Variants in PSMC3 observed in about 807,000 individuals in gnomAD.
PSMC3 encodes proteasome 26S subunit, ATPase 3.
PSMC3 carries 11 observed loss-of-function variants against 52.0 expected under a neutral mutation model. The observed-to-expected ratio is 0.21, with a 90% CI of 0.13 to 0.35. The LOEUF (loss-of-function observed/expected upper bound fraction) is 0.35, where lower values mean the gene tolerates loss of function less well. Ranked by LOEUF, PSMC3 falls within the 10% of genes least tolerant of loss-of-function variation. The pLI, the probability that PSMC3 is intolerant of heterozygous loss-of-function variation, is 1.00. For synonymous variants in PSMC3, 201 were observed against 218.8 expected, an observed-to-expected ratio of 0.92 and a Z score of 0.72; for missense variants, 238 against 567.1, an observed-to-expected ratio of 0.42 and a Z score of 5.89.
chr11:47,422,264 G>A lies in PSMC3; in HGVS notation c.884+310C>T, dbSNP rs1005285398. ...TCACCATGTTAGCCAGGATGGTCTCGATCTCCTGACCTCGTGATCCGCCTG... is the reference window on the plus strand; with the variant it reads ...TCACCATGTTAGCCAGGATGGTCTCAATCTCCTGACCTCGTGATCCGCCTG... On this transcript the variant is annotated intron_variant, in intron 8 of 11. Coordinates refer to ENST00000298852, the MANE Select transcript of PSMC3 (RefSeq NM_002804.5). This position sits in a 1 kb window ranked among gnomAD's most constrained non-coding sequence, Gnocchi z 4.3. 1.3e-5 allele frequency among the ~76,000 whole-genome samples: 2 copies of A among 151,944 alleles called. No homozygotes were observed. Among genetic ancestry groups the A allele is most frequent in the African/African-American group, 2.4e-5 (1 of 41,376 alleles).
chr11:47,422,200 G>A lies in PSMC3; in HGVS notation c.884+374C>T, dbSNP rs772876211. Among the ~76,000 whole-genome samples, 4 of 151,896 alleles carry A rather than the reference G, an allele frequency of 2.6e-5. No individual in the cohort carries two copies. Among genetic ancestry groups the A allele is most frequent in the East Asian group, 3.9e-4 (2 of 5,182 alleles). On this transcript the variant is annotated intron_variant, in intron 8 of 11. Coordinates refer to ENST00000298852, the MANE Select transcript of PSMC3 (RefSeq NM_002804.5). The surrounding 1 kb of genome is among the most constrained non-coding windows in gnomAD (Gnocchi z 4.3). ...TGGGACTACAGGCGCCTGCTACCACGCCCAGCTAATTTTTTGTATTTTTAG... is the reference window on the plus strand; with the variant it reads ...TGGGACTACAGGCGCCTGCTACCACACCCAGCTAATTTTTTGTATTTTTAG...
rs1565676810 is a variant in PSMC3, at chr11:47,425,101, C to T, written c.285+20G>A. 6.2e-7 allele frequency: 1 copy of T among 1,613,950 alleles called. No homozygotes were observed. The highest frequency in any genetic ancestry group is 8.5e-7 in the Non-Finnish European group (1 of 1,179,872). ...CATTCCCTGCTGACTCCCTCTCTTCCCCTCCACATACACACACACCTCGAT... is the reference window on the plus strand; with the variant it reads ...CATTCCCTGCTGACTCCCTCTCTTCTCCTCCACATACACACACACCTCGAT... On this transcript the variant is annotated intron_variant, in intron 3 of 11. Coordinates refer to ENST00000298852, the MANE Select transcript of PSMC3 (RefSeq NM_002804.5).
intron 8 of PSMC3, among the ~76,000 whole-genome samples, chr11:47,421,827 A>G (rs1158314005): frequency 6.6e-6 from 1 of 151,212 alleles, no homozygotes; most frequent in Admixed American, 6.6e-5. Flanking sequence ...TAATTTTTCT[A>G]TTTTTAGTAG....
Position 47,420,327 on chromosome 11 carries a change from G to C in PSMC3, c.1064C>G (p.Pro355Arg). ...GGCCCGGGCCTCCTCATTGGGCATCGGGAACTCTATCTTGCGGTCAAGGCG... is the reference window on the plus strand; with the variant it reads ...GGCCCGGGCCTCCTCATTGGGCATCCGGAACTCTATCTTGCGGTCAAGGCG... ...SGRLDRKIEF[P>R]MPNEEARARI... The change falls in exon 10 of 12, where the codon CCG becomes CGG. Residue 355 changes from proline to arginine, a missense_variant. Coordinates refer to ENST00000298852, the MANE Select transcript of PSMC3 (RefSeq NM_002804.5). 2 of 1,614,202 alleles carry C rather than the reference G, an allele frequency of 1.2e-6. No homozygotes were observed. The highest frequency in any genetic ancestry group is 1.3e-5 in the African/African-American group (1 of 75,050).
At chr11:47,419,596 A>T (rs1262338910) in intron 10 of PSMC3, among the ~76,000 whole-genome samples, 4 of 151,910 alleles carry the variant, frequency 2.6e-5, no homozygotes, top group Non-Finnish European at 5.9e-5. Context: ...GTGGTGGCTC[A>T]TACCTATAAT....
At chr11:47,425,458 A>T in intron 2 of PSMC3, 1 of 613,172 alleles carries the variant, frequency 1.6e-6, no homozygotes, top group Non-Finnish European at 2.8e-6. Context: ...AAATAGTGGT[A>T]GTATTGGAAT....
intron 6 of PSMC3, 128 bp downstream of exon 6, chr11:47,423,918 T>C (rs1404123623): frequency 7.5e-7 from 1 of 1,331,710 alleles, no homozygotes; most frequent in Non-Finnish European, 1.0e-6. Context: ...ACCTGTCACA[T>C]GGCACCCCTC....
At position 47,424,003 on chromosome 11, in the gene PSMC3, A is replaced by G. The variant is rs1485837610; in HGVS notation, c.591+43T>C. 6.2e-6 allele frequency: 10 copies of G among 1,613,546 alleles called. No individual in the cohort carries two copies. In the African/African-American group the frequency reaches 6.7e-5, roughly 11 times the overall value. On this transcript the variant is annotated intron_variant, in intron 6 of 11. Coordinates refer to ENST00000298852, the MANE Select transcript of PSMC3 (RefSeq NM_002804.5). The surrounding 1 kb of genome is among the most constrained non-coding windows in gnomAD (Gnocchi z 4.8). The stretch of plus-strand genomic sequence containing the variant: ...GCTGCATCAATGGCGTGGAGAAACT[A>G]AAAGGCTGACAAGGCTGCTGGCAGC...
At position 47,422,614 on chromosome 11, in the gene PSMC3, T is replaced by C. The variant is rs2096041909; in HGVS notation, c.844A>G (p.Ile282Val). 2 of 1,614,016 alleles carry C rather than the reference T, an allele frequency of 1.2e-6. No homozygotes were observed. The highest frequency in any genetic ancestry group is 1.3e-5 in the African/African-American group (1 of 74,910). The change falls in exon 8 of 12, where the codon ATC becomes GTC. Residue 282 changes from isoleucine (I) to valine (V), a missense_variant. This residue lies in a region of PSMC3 where 46 missense variants were observed against 172.9 expected (regional missense o/e 0.27). Transcript: ENST00000298852. The surrounding 1 kb of genome is among the most constrained non-coding windows in gnomAD (Gnocchi z 4.3). ...FALAKEKAPS[I>V]IFIDELDAIG... ...GCATCCAACTCATCAATGAAGATGA[T>C]AGAGGGCGCTTTCTCCTTGGCCAGG... is the stretch of plus-strand genomic sequence containing the variant.
intron 9 of PSMC3, 72 bp downstream of exon 9, chr11:47,420,559 T>C: frequency 6.6e-7 from 1 of 1,505,950 alleles, no homozygotes; most frequent in Non-Finnish European, 9.1e-7. Context: ...GCTCCACCAC[T>C]GGCTAGCTGG....
Position 47,424,664 on chromosome 11 carries a change from A to G in PSMC3, c.333T>C (p.Ile111=), listed in dbSNP as rs1256092791. ...PNDQEEDGAN[I]DLDSQRKGKC... is the part of the protein sequence containing the mutation. ...TGCCCTTCCTCTGGGAGTCCAGGTCAATATTGGCACCATCCTCCTCTTGGT... is the reference window on the plus strand; with the variant it reads ...TGCCCTTCCTCTGGGAGTCCAGGTCGATATTGGCACCATCCTCCTCTTGGT... Residue 111 remains isoleucine (I), a synonymous_variant, in exon 4 of 12, where the codon ATT becomes ATC. Coordinates refer to ENST00000298852, the MANE Select transcript of PSMC3 (RefSeq NM_002804.5). This position sits in a 1 kb window ranked among gnomAD's most constrained non-coding sequence, Gnocchi z 4.8. The G allele has an allele frequency of 6.2e-7, 1 of 1,614,048 alleles. No homozygotes were observed. Among genetic ancestry groups the G allele is most frequent in the Non-Finnish European group, 8.5e-7 (1 of 1,179,922 alleles).
At chr11:47,419,300 C>T (rs1360792654) in intron 10 of PSMC3, 103 bp from the exon 11 acceptor site, 1 of 1,253,968 alleles carries the variant, frequency 8.0e-7, no homozygotes, top group Non-Finnish European at 1.2e-6. Flanking sequence ...TCAAGTTGCC[C>T]TGTGATCAGA....
In PSMC3 at chr11:47,425,146, G is replaced by A; in HGVS notation, c.260C>T (p.Pro87Leu). ...CTCGATGACGTTGGAGACAAGGTAC[G>A]GCAGGGTCTTGTTCACTTTGATTTT... ...SEKIKVNKTL[P>L]YLVSNVIELL... The change falls in exon 3 of 12, where the codon CCG (proline) becomes CTG (leucine). Residue 87 changes from proline to leucine, a missense_variant. Transcript: ENST00000298852. 1 of 1,614,118 alleles carries A rather than the reference G, an allele frequency of 6.2e-7. No homozygotes were observed. Among genetic ancestry groups the A allele is most frequent in the Non-Finnish European group, 8.5e-7 (1 of 1,180,012 alleles).
Position 47,424,524 on chromosome 11 carries a change from G to A in PSMC3, c.391-33C>T. The A allele has an allele frequency of 1.2e-6, 2 of 1,611,944 alleles. No homozygotes were observed. Among genetic ancestry groups the A allele is most frequent in the Non-Finnish European group, 1.7e-6 (2 of 1,177,994 alleles). The stretch of plus-strand genomic sequence containing the variant: ...CAAGTTACAGGGGCAGTCTCAGTTA[G>A]TGTCCTCAGGGAAGGCTCCCTAGTC... On this transcript the variant is annotated intron_variant, in intron 4 of 11. Transcript: ENST00000298852. This position sits in a 1 kb window ranked among gnomAD's most constrained non-coding sequence, Gnocchi z 4.8.
rs535022715 is a variant in PSMC3 at position 47,421,239 on chromosome 11, G to A, written c.885-512C>T. On this transcript the variant is annotated intron_variant, in intron 8 of 11. Transcript: ENST00000298852. ...CACTCCAGCCTGGACGACAGAGCGA[G>A]ACTCCATCTCAAAAAAAAAAAAAAA... Among the ~76,000 whole-genome samples, 11 of 106,966 alleles carry A rather than the reference G, an allele frequency of 1.0e-4. No homozygotes were observed. In the East Asian group the frequency reaches 3.3e-3, roughly 32 times the overall value. 70.2% of individuals were successfully genotyped at this position (106,966 alleles called of 152,430 possible). A position where few individuals can be genotyped will look rare whatever the true frequency, so the allele number is the denominator to read the frequency against.
chr11:47,423,126 G>T (rs2096042624), intron 6 of PSMC3, among the ~76,000 whole-genome samples, 153 bp from the exon 7 acceptor site: 1 of 152,320 alleles, frequency 6.6e-6, no homozygotes, highest in South Asian at 2.1e-4. Flanking sequence ...AAGGCTGGGC[G>T]CGGTGGCTCA....
rs1293815182 is a variant in PSMC3 at position 47,424,556 on chromosome 11, C to T, written c.390+51G>A. The T allele has an allele frequency of 1.2e-6, 2 of 1,606,040 alleles. No homozygotes were observed. The highest frequency in any genetic ancestry group is 1.7e-6 in the Non-Finnish European group (2 of 1,172,750). On this transcript the variant is annotated intron_variant, in intron 4 of 11. Coordinates refer to ENST00000298852, the MANE Select transcript of PSMC3 (RefSeq NM_002804.5). This position sits in a 1 kb window ranked among gnomAD's most constrained non-coding sequence, Gnocchi z 4.8. ...CAGGGAAGGCTCCCTAGTCCTGTCCCACATCCGCTCCTCACCCTCCTCCAG... is the reference window on the plus strand; with the variant it reads ...CAGGGAAGGCTCCCTAGTCCTGTCCTACATCCGCTCCTCACCCTCCTCCAG...
In PSMC3 at chr11:47,424,539, G is replaced by C. The variant is rs376657633; in HGVS notation, c.391-48C>G. On this transcript the variant is annotated intron_variant, in intron 4 of 11. Coordinates refer to ENST00000298852, the MANE Select transcript of PSMC3 (RefSeq NM_002804.5). The surrounding 1 kb of genome is among the most constrained non-coding windows in gnomAD (Gnocchi z 4.8). ...GTCTCAGTTAGTGTCCTCAGGGAAG[G>C]CTCCCTAGTCCTGTCCCACATCCGC... 106 of 1,608,110 alleles carry C rather than the reference G, an allele frequency of 6.6e-5. No homozygotes were observed. In the African/African-American group the frequency reaches 1.2e-3, roughly 19 times the overall value.
chr11:47,421,187 T>C (rs1248068993), intron 8 of PSMC3, among the ~76,000 whole-genome samples: 1 of 122,788 alleles, frequency 8.1e-6, no homozygotes, highest in African/African-American at 3.1e-5. Flanking sequence ...GAGGTGGAGG[T>C]TGCAGTGAGC....
Sources: allele counts gnomAD v4.1 joint callset (sites outside exome capture counted in the v4.1 genomes callset), GRCh38; gene constraint gnomAD v4.1.1; regional missense constraint gnomAD v4.1.1; non-coding constraint Gnocchi (gnomAD v3.1); transcripts MANE v1.5; gene names NCBI Gene and HGNC (gene_info 2026-07-23, HGNC 2026-07-21).